ADK: variants seen among roughly 807,000 people sequenced by gnomAD.
ADK encodes adenosine kinase.
A neutral mutation model predicts 44.7 loss-of-function variants in ADK; 24 were observed. The ratio of observed to expected loss-of-function variants is 0.54; its 90% CI spans 0.39 to 0.76. The LOEUF (loss-of-function observed/expected upper bound fraction) is 0.76, where lower values mean the gene tolerates loss of function less well. Among genes scored for constraint, ADK ranks in the 30% least tolerant of loss-of-function variants. The pLI is 0.00. For synonymous variants in ADK, 128 were observed against 142.6 expected, an observed-to-expected ratio of 0.90 and a Z score of 0.73; for missense variants, 321 against 425.1, an observed-to-expected ratio of 0.76 and a Z score of 2.15.
At chr10:74,286,010 G>A (rs984929354) in intron 3 of ADK, among the ~76,000 whole-genome samples, 1 of 151,964 alleles carries the variant, frequency 6.6e-6, no homozygotes. Flanking sequence ...ATAAATATTG[G>A]TATAAGCTGC....
intron 3 of ADK, among the ~76,000 whole-genome samples, chr10:74,306,708 G>C (rs1840262774): frequency 6.6e-6 from 1 of 152,122 alleles, no homozygotes; most frequent in Admixed American, 6.6e-5. Flanking sequence ...CTAGGTCAAA[G>C]TTGATTTTTC....
chr10:74,618,854 G>C (rs1445698759), intron 9 of ADK, among the ~76,000 whole-genome samples: 1 of 151,980 alleles, frequency 6.6e-6, no homozygotes, highest in Non-Finnish European at 1.5e-5. Context: ...ATCCTGCTGG[G>C]ATTTTTAGTG....
intron 9 of ADK, among the ~76,000 whole-genome samples, chr10:74,601,176 G>A (rs1852105588): frequency 6.6e-6 from 1 of 151,706 alleles, no homozygotes; most frequent in Non-Finnish European, 1.5e-5. Context: ...ATCTAACTGG[G>A]AATTAATATT....
intron 3 of ADK, among the ~76,000 whole-genome samples, chr10:74,246,338 G>C (rs1845414735): frequency 6.6e-6 from 1 of 152,204 alleles, no homozygotes; most frequent in African/African-American, 2.4e-5. Context: ...AACAAATTTA[G>C]TTTAAAGATC....
chr10:74,573,881 A>G (rs1851070506), intron 7 of ADK, among the ~76,000 whole-genome samples: 1 of 152,180 alleles, frequency 6.6e-6, no homozygotes, highest in African/African-American at 2.4e-5. Flanking sequence ...TGAGGTGGGA[A>G]TGACCCGATC....
At chr10:74,515,675 G>C (rs774376117) in intron 6 of ADK, among the ~76,000 whole-genome samples, 18 of 152,188 alleles carry the variant, frequency 1.2e-4, no homozygotes, top group Non-Finnish European at 2.2e-4. Flanking sequence ...ATTGCTTGCA[G>C]GTAGCCCTAC....
intron 3 of ADK, among the ~76,000 whole-genome samples, chr10:74,281,440 T>G (rs943338988): frequency 6.6e-6 from 1 of 152,262 alleles, no homozygotes; most frequent in South Asian, 2.1e-4. Context: ...GTCTCTCTTA[T>G]GATCCTAGAC....
At chr10:74,410,981 C>T (rs1354196741) in intron 6 of ADK, among the ~76,000 whole-genome samples, 1 of 151,904 alleles carries the variant, frequency 6.6e-6, no homozygotes, top group Non-Finnish European at 1.5e-5. Context: ...TTTTTCTCAC[C>T]TTTTATCATT....
At chr10:74,458,265 G>C (rs1199557716) in intron 6 of ADK, among the ~76,000 whole-genome samples, 1 of 146,762 alleles carries the variant, frequency 6.8e-6, no homozygotes, top group Non-Finnish European at 1.5e-5. Context: ...CAAGTATCTG[G>C]ACTCAAAGGC....
At chr10:74,465,109 A>T (rs1846306573) in intron 6 of ADK, among the ~76,000 whole-genome samples, 1 of 152,200 alleles carries the variant, frequency 6.6e-6, no homozygotes, top group Non-Finnish European at 1.5e-5. Flanking sequence ...AAGAGTGTTC[A>T]GGTCTAGCAT....
intron 7 of ADK, among the ~76,000 whole-genome samples, chr10:74,564,660 G>A (rs1850586220): frequency 6.6e-6 from 1 of 152,016 alleles, no homozygotes; most frequent in African/African-American, 2.4e-5. Context: ...GTTAGAAGTA[G>A]GTTTTTTGTG....
intron 7 of ADK, among the ~76,000 whole-genome samples, chr10:74,530,163 C>G (rs1319088317): frequency 6.6e-6 from 1 of 152,066 alleles, no homozygotes; most frequent in South Asian, 2.1e-4. Flanking sequence ...GAGTAAAATG[C>G]TTTATCCCTT....
chr10:74,646,607 C>A (rs1028144072), intron 9 of ADK, among the ~76,000 whole-genome samples: 1 of 152,180 alleles, frequency 6.6e-6, no homozygotes. Context: ...AGCTGCTCAG[C>A]CTTCATTGCT....
At chr10:74,456,694 C>T (rs996989926) in intron 6 of ADK, among the ~76,000 whole-genome samples, 2 of 145,350 alleles carry the variant, frequency 1.4e-5, no homozygotes, top group African/African-American at 5.0e-5. Flanking sequence ...AAAAAAACCT[C>T]ACTGAAAACC....
intron 10 of ADK, among the ~76,000 whole-genome samples, chr10:74,675,551 C>T (rs902020136): frequency 6.6e-6 from 1 of 152,152 alleles, no homozygotes; most frequent in African/African-American, 2.4e-5. Flanking sequence ...GGATTGTACT[C>T]TTGGAAATGG....
chr10:74,286,647 A>T (rs1157759776), intron 3 of ADK, among the ~76,000 whole-genome samples: 3 of 152,234 alleles, frequency 2.0e-5, no homozygotes, highest in Admixed American at 6.5e-5. Flanking sequence ...TTGAGGAAGG[A>T]ATTATTCATT....
intron 6 of ADK, among the ~76,000 whole-genome samples, chr10:74,508,005 C>T (rs1293262110): frequency 1.3e-5 from 2 of 152,020 alleles, no homozygotes; most frequent in African/African-American, 4.8e-5. Context: ...CATAAAAACT[C>T]AAGATTTATT....
At chr10:74,532,653 C>T (rs556509124) in intron 7 of ADK, among the ~76,000 whole-genome samples, 1 of 152,076 alleles carries the variant, frequency 6.6e-6, no homozygotes, top group South Asian at 2.1e-4. Context: ...GTAATCCCAG[C>T]ACTTTGGGAG....
intron 1 of ADK, among the ~76,000 whole-genome samples, chr10:74,180,208 T>TTTATTATTA (rs201127930): frequency 1.7e-3 from 160 of 96,528 alleles, no homozygotes; most frequent in African/African-American, 4.3e-3. Flanking sequence ...CTCTTTTCTT[T>TTTATTATTA]TTATTATTAT....
Sources: allele counts gnomAD v4.1 joint callset (sites outside exome capture counted in the v4.1 genomes callset), GRCh38; gene constraint gnomAD v4.1.1; transcripts MANE v1.5; gene names NCBI Gene and HGNC (gene_info 2026-07-23, HGNC 2026-07-21).